LRRTM4: variants seen among roughly 807,000 people sequenced by gnomAD.
LRRTM4 encodes leucine-rich repeat transmembrane neuronal protein 4.
Under a neutral mutation model 47.6 loss-of-function variants are expected in LRRTM4, and 25 were observed. The observed-to-expected ratio is 0.53, with a 90% CI of 0.38 to 0.73. LRRTM4 has a LOEUF of 0.73. LRRTM4 is among the 30% of genes least tolerant of loss of function. The pLI, the probability that LRRTM4 is intolerant of heterozygous loss-of-function variation, is 0.00. For missense variants in LRRTM4, 638 were observed against 713.4 expected (o/e 0.89, Z 1.20); for synonymous variants, 311 against 269.5 (o/e 1.15, Z -1.51).
intron 3 of LRRTM4, among the ~76,000 whole-genome samples, chr2:77,183,087 A>G (rs1214508458): frequency 1.3e-5 from 2 of 152,202 alleles, no homozygotes; most frequent in African/African-American, 2.4e-5. Flanking sequence ...GACAAATGGG[A>G]TCTAATTAAA....
chr2:77,151,536 A>G (rs1427967628), intron 3 of LRRTM4, among the ~76,000 whole-genome samples: 1 of 152,224 alleles, frequency 6.6e-6, no homozygotes, highest in Non-Finnish European at 1.5e-5. Flanking sequence ...CCAAGTGTTC[A>G]TCAACAGTTG....
At chr2:77,268,374 AT>A (rs1159026169) in intron 3 of LRRTM4, among the ~76,000 whole-genome samples, 2 of 151,744 alleles carry the variant, frequency 1.3e-5, no homozygotes, top group Admixed American at 6.6e-5. Context: ...TTCCCTCTTC[AT>A]TTCCTTTATA....
intron 3 of LRRTM4, among the ~76,000 whole-genome samples, chr2:77,499,352 A>T (rs1382508625): frequency 1.3e-5 from 2 of 151,860 alleles, no homozygotes; most frequent in African/African-American, 4.8e-5. Flanking sequence ...TGTCAATGGG[A>T]AGAAGAACTG....
intron 3 of LRRTM4, among the ~76,000 whole-genome samples, chr2:77,103,647 G>GTA (rs367583554): frequency 0.11 from 13,331 of 123,876 alleles, 759 homozygotes; most frequent in East Asian, 0.2. Flanking sequence ...ATACATGAGT[G>GTA]TATATATATA....
At chr2:77,044,946 T>C (rs1679185804) in intron 3 of LRRTM4, among the ~76,000 whole-genome samples, 1 of 151,866 alleles carries the variant, frequency 6.6e-6, no homozygotes, top group South Asian at 2.1e-4. Context: ...TGTGTGTGTA[T>C]GTGGCACAAA....
chr2:77,138,637 G>A (rs533270642), intron 3 of LRRTM4, among the ~76,000 whole-genome samples: 2 of 152,220 alleles, frequency 1.3e-5, no homozygotes, highest in South Asian at 4.1e-4. Flanking sequence ...CAGAACTGAA[G>A]GAGATAGAGA....
At chr2:77,420,123 A>C (rs1187576137) in intron 3 of LRRTM4, among the ~76,000 whole-genome samples, 2 of 152,172 alleles carry the variant, frequency 1.3e-5, no homozygotes, top group Non-Finnish European at 2.9e-5. Flanking sequence ...TGTTGGCAGG[A>C]TTCAGTTCTT....
intron 3 of LRRTM4, among the ~76,000 whole-genome samples, chr2:77,013,005 T>C (rs1677929809): frequency 6.6e-6 from 1 of 152,236 alleles, no homozygotes; most frequent in Admixed American, 6.5e-5. Context: ...GACAGAATTA[T>C]ATAGAATATA....
intron 3 of LRRTM4, among the ~76,000 whole-genome samples, chr2:76,925,251 C>G (rs924992355): frequency 6.6e-6 from 1 of 152,104 alleles, no homozygotes; most frequent in African/African-American, 2.4e-5. Flanking sequence ...CATGAAGAAG[C>G]AAATGCTGTA....
intron 3 of LRRTM4, among the ~76,000 whole-genome samples, chr2:77,049,681 TTAA>T (rs1318894635): frequency 6.6e-6 from 1 of 152,036 alleles, no homozygotes; most frequent in African/African-American, 2.4e-5. Context: ...TTATTTATTA[TTAA>T]TATTAACCAC....
chr2:77,025,552 G>A (rs1678426019), intron 3 of LRRTM4, among the ~76,000 whole-genome samples: 1 of 152,062 alleles, frequency 6.6e-6, no homozygotes, highest in Non-Finnish European at 1.5e-5. Context: ...CTTGATCTGT[G>A]TTCCTTCCCT....
At chr2:76,932,753 A>G (rs1404238805) in intron 3 of LRRTM4, among the ~76,000 whole-genome samples, 1 of 152,124 alleles carries the variant, frequency 6.6e-6, no homozygotes, top group African/African-American at 2.4e-5. Flanking sequence ...CTATATATAC[A>G]TATACACACG....
chr2:76,803,055 A>T (rs1296902467), intron 3 of LRRTM4, among the ~76,000 whole-genome samples: 1 of 152,112 alleles, frequency 6.6e-6, no homozygotes, highest in African/African-American at 2.4e-5. Flanking sequence ...ATTTATTTTT[A>T]TTTTTTGCAT....
chr2:76,857,622 C>T (rs1319953725), intron 3 of LRRTM4, among the ~76,000 whole-genome samples: 3 of 152,004 alleles, frequency 2.0e-5, no homozygotes, highest in Non-Finnish European at 2.9e-5. Flanking sequence ...TATAGTCTTT[C>T]GTATTTCAGT....
In LRRTM4 at chr2:77,013,185, G is replaced by T. The variant is rs542860328; in HGVS notation, c.1552-264269C>A. On this transcript the variant is annotated intron_variant, in intron 3 of 3. Transcript: ENST00000409884. Reference sequence around the variant, plus strand: ...CTTTGGGCTGAATCAGGAGGGAAAGGTATAACCACTGAAGCACTTGAGGTA... The same window carrying T: ...CTTTGGGCTGAATCAGGAGGGAAAGTTATAACCACTGAAGCACTTGAGGTA... 3.3e-5 allele frequency among the ~76,000 whole-genome samples: 5 copies of T among 152,196 alleles called. No homozygotes were observed. In the South Asian group the frequency reaches 8.3e-4, roughly 25 times the overall value.
Position 76,748,454 on chromosome 2 carries a change from TTTTG to T in LRRTM4, c.*237_*240del, listed in dbSNP as rs1672720752. ...TCTTACTATTTACATCCGGGAGCAT[TTTTG>T]TTTGTTTTATGTTTTAAAGCAAAGA... On this transcript the variant is annotated 3_prime_UTR_variant, in exon 4 of 4. Coordinates refer to ENST00000409884, the MANE Select transcript of LRRTM4 (RefSeq NM_001134745.3). 1.9e-6 allele frequency: 1 copy of T among 532,446 alleles called. No individual in the cohort carries two copies. Among genetic ancestry groups the T allele is most frequent in the South Asian group, 2.4e-5 (1 of 42,314 alleles). The allele number at this position is 532,446 out of a possible 1,614,324, so 33.0% of individuals were successfully genotyped here.
intron 3 of LRRTM4, among the ~76,000 whole-genome samples, chr2:77,453,872 T>C (rs2103957252): frequency 6.6e-6 from 1 of 152,258 alleles, no homozygotes; most frequent in Admixed American, 6.5e-5. Context: ...TTTGTTTTGT[T>C]TTCTAACCCC....
chr2:77,049,157 T>TATATATATATATATATATATATACACAC (rs1351971551), intron 3 of LRRTM4, among the ~76,000 whole-genome samples: 1 of 106,378 alleles, frequency 9.4e-6, no homozygotes, highest in African/African-American at 5.1e-5. Context: ...TATATATATA[T>TATATATATATATATATATATATACACAC]ACACACACAC....
At chr2:77,168,687 C>G (rs950956288) in intron 3 of LRRTM4, among the ~76,000 whole-genome samples, 4 of 152,032 alleles carry the variant, frequency 2.6e-5, no homozygotes, top group Non-Finnish European at 4.4e-5. Flanking sequence ...ATTAACCAAC[C>G]TCTCTTCACC....
Sources: gnomAD v4.1 joint callset for allele counts (sites outside exome capture counted in the v4.1 genomes callset) on GRCh38, gnomAD v4.1.1 for gene constraint, MANE v1.5 for transcripts, NCBI Gene and HGNC (gene_info 2026-07-23, HGNC 2026-07-21) for gene names.